Variants in ISM1 observed in about 807,000 individuals in gnomAD.
ISM1 encodes the protein isthmin-1.
ISM1 carries 25 observed loss-of-function variants against 46.3 expected under a neutral mutation model. The ratio of observed to expected loss-of-function variants is 0.54; its 90% CI spans 0.39 to 0.75. The LOEUF is 0.75. ISM1 is among the 30% of genes least tolerant of loss of function. The pLI is 0.00. For synonymous variants in ISM1, 255 were observed against 256.7 expected (o/e 0.99, Z 0.06); for missense variants, 536 against 625.4 (o/e 0.86, Z 1.52).
At chr20:13,303,775 C>T (rs1260980532), downstream of ISM1, among the ~76,000 whole-genome samples, 1 of 152,164 alleles carries the variant, frequency 6.6e-6, no homozygotes, top group African/African-American at 2.4e-5. Flanking sequence ...AAATCAAAGT[C>T]CCTCCTCTTG....
At chr20:13,228,008 A>C in intron 1 of ISM1, among the ~76,000 whole-genome samples, 1 of 134,642 alleles carries the variant, frequency 7.4e-6, no homozygotes, top group African/African-American at 2.8e-5. Flanking sequence ...TCTGTTGCCC[A>C]GGCTGGAGTC....
rs2039448237 is a variant in ISM1 at position 13,221,597 on chromosome 20, G to A, written c.-180G>A. 7.1e-6 allele frequency among the ~76,000 whole-genome samples: 1 copy of A among 140,732 alleles called. No individual in the cohort carries two copies. Among genetic ancestry groups the A allele is most frequent in the Admixed American group, 7.1e-5 (1 of 14,184 alleles). 92.3% of individuals were successfully genotyped at this position (140,732 alleles called of 152,430 possible). ...CGGCGCCGGCAGCTCCTGCTCCCCC[G>A]GCCCCGCACACCCCGCCGCGCCCAG... On this transcript the variant is annotated 5_prime_UTR_variant, in exon 1 of 6. Coordinates refer to ENST00000262487, the MANE Select transcript of ISM1 (RefSeq NM_080826.2).
intron 1 of ISM1, among the ~76,000 whole-genome samples, chr20:13,232,689 A>T (rs2039602194): frequency 6.6e-6 from 1 of 152,350 alleles, no homozygotes; most frequent in African/African-American, 2.4e-5. Flanking sequence ...TGTTTAGCTT[A>T]TTAAGAAATT....
intron 1 of ISM1, among the ~76,000 whole-genome samples, chr20:13,228,383 C>A (rs2039552516): frequency 6.6e-6 from 1 of 152,170 alleles, no homozygotes. Context: ...GAACCTATAT[C>A]TTTAGACATA....
At chr20:13,319,729 C>T in the ISM1 span, among the ~76,000 whole-genome samples, 3 of 152,278 alleles carry the variant, frequency 2.0e-5, no homozygotes, top group Admixed American at 6.5e-5. Flanking sequence ...TGAAGATTAA[C>T]CCCCTCCCCC....
In ISM1 at chr20:13,299,201, G is replaced by T; in HGVS notation, c.1137G>T (p.Thr379=). ...IRSMLSLEST[T]LAAQHCCYGD... The stretch of plus-strand genomic sequence containing the variant: ...CCATGCTGTCCCTGGAGAGCACCAC[G>T]CTGGCGGCACAGCACTGCTGCTACG... Residue 379 remains threonine, a synonymous_variant, in exon 6 of 6, where the codon ACG becomes ACT. Transcript: ENST00000262487. The surrounding 1 kb of genome is among the most constrained non-coding windows in gnomAD (Gnocchi z 5.8). 2 of 1,603,200 alleles carry T rather than the reference G, an allele frequency of 1.2e-6. No homozygotes were observed. Among genetic ancestry groups the T allele is most frequent in the Non-Finnish European group, 1.7e-6 (2 of 1,174,890 alleles).
the ISM1 span, among the ~76,000 whole-genome samples, chr20:13,311,243 TGATA>T: frequency 0.036 from 4,572 of 127,858 alleles, 77 homozygotes; most frequent in South Asian, 0.048. Flanking sequence ...GATAGATAGA[TGATA>T]GATAGATAGA....
chr20:13,285,127 A>T (rs1039012571), intron 3 of ISM1, among the ~76,000 whole-genome samples: 4 of 151,960 alleles, frequency 2.6e-5, no homozygotes, highest in African/African-American at 9.7e-5. Context: ...TCTCTATAAA[A>T]TTTTTTTGAA....
At chr20:13,323,460 C>T in the ISM1 span, among the ~76,000 whole-genome samples, 1 of 152,146 alleles carries the variant, frequency 6.6e-6, no homozygotes, top group Admixed American at 6.5e-5. Context: ...AGAACTCAGC[C>T]CTATTCCTTT....
chr20:13,313,025 G>A, the ISM1 span, among the ~76,000 whole-genome samples: 4 of 152,270 alleles, frequency 2.6e-5, no homozygotes, highest in Non-Finnish European at 4.4e-5. Context: ...CCAAATTCTA[G>A]CAGGTCCCCC....
At chr20:13,314,298 C>T in the ISM1 span, among the ~76,000 whole-genome samples, 8 of 151,350 alleles carry the variant, frequency 5.3e-5, no homozygotes, top group African/African-American at 1.9e-4. Context: ...TGGGATAATG[C>T]CAAAAAGAAA....
At chr20:13,230,071 T>G (rs926269607) in intron 1 of ISM1, among the ~76,000 whole-genome samples, 2 of 152,196 alleles carry the variant, frequency 1.3e-5, no homozygotes, top group African/African-American at 4.8e-5. Flanking sequence ...TACTCATAGT[T>G]TAAAAGGCAT....
chr20:13,225,068 T>G (rs1034250909), intron 1 of ISM1, among the ~76,000 whole-genome samples: 1 of 151,234 alleles, frequency 6.6e-6, no homozygotes, highest in Non-Finnish European at 1.5e-5. Context: ...TTAGCCAGGA[T>G]GGTCTCACTC....
chr20:13,277,559 T>C (rs1173040881), intron 2 of ISM1, among the ~76,000 whole-genome samples: 2 of 152,276 alleles, frequency 1.3e-5, no homozygotes, highest in African/African-American at 4.8e-5. Flanking sequence ...CCTGTTACCA[T>C]TACTCTCCCA....
chr20:13,256,999 A>C (rs756168510), intron 1 of ISM1, among the ~76,000 whole-genome samples: 3 of 152,216 alleles, frequency 2.0e-5, no homozygotes, highest in Non-Finnish European at 2.9e-5. Context: ...TAACAATGTG[A>C]AAGTGAGTGC....
intron 3 of ISM1, among the ~76,000 whole-genome samples, chr20:13,284,090 G>T (rs1040275569): frequency 1.3e-5 from 2 of 152,200 alleles, no homozygotes; most frequent in African/African-American, 2.4e-5. Context: ...CATAAAAAGA[G>T]GATGTTTCCA....
Position 13,288,702 on chromosome 20 carries a change from G to A in ISM1, c.787+19G>A, listed in dbSNP as rs1184284436. On this transcript the variant is annotated intron_variant, in intron 4 of 5. Coordinates refer to ENST00000262487, the MANE Select transcript of ISM1 (RefSeq NM_080826.2). Reference sequence around the variant, plus strand: ...TGCCCAGGTGCGTTTACCTGAGTGTGTAGCTCCAAGTTCAAGGGGAAAGCT... The same window carrying A: ...TGCCCAGGTGCGTTTACCTGAGTGTATAGCTCCAAGTTCAAGGGGAAAGCT... The A allele has an allele frequency of 1.3e-6, 2 of 1,597,780 alleles. No individual in the cohort carries two copies. Among genetic ancestry groups the A allele is most frequent in the Non-Finnish European group, 1.7e-6 (2 of 1,167,774 alleles).
rs945281895 is a variant in ISM1, at chr20:13,292,429, C to T, written c.843C>T (p.Ser281=). 1.9e-5 allele frequency: 31 copies of T among 1,605,574 alleles called. No homozygotes were observed. Among genetic ancestry groups the T allele is most frequent in the South Asian group, 1.5e-4 (13 of 88,960 alleles). Reference sequence around the variant, plus strand: ...CCGAAGTGAGTCTGCTTGCGGGAAGCGAGGAGTTTAATGCCACCAAACTGT... The same window carrying T: ...CCGAAGTGAGTCTGCTTGCGGGAAGTGAGGAGTTTAATGCCACCAAACTGT... ...AATEVSLLAG[S]EEFNATKLFE... The change falls in exon 5 of 6, where the codon AGC becomes AGT. Residue 281 remains serine (S), a synonymous_variant. Transcript: ENST00000262487.
chr20:13,305,694 T>G, the ISM1 span, among the ~76,000 whole-genome samples: 1 of 152,210 alleles, frequency 6.6e-6, no homozygotes, highest in Non-Finnish European at 1.5e-5. Context: ...TTTCTGAGGC[T>G]TAGTATTGGT....
Sources: allele counts gnomAD v4.1 joint callset (sites outside exome capture counted in the v4.1 genomes callset), GRCh38; gene constraint gnomAD v4.1.1; non-coding constraint Gnocchi (gnomAD v3.1); transcripts MANE v1.5; gene names NCBI Gene and HGNC (gene_info 2026-07-23, HGNC 2026-07-21).